TPST1: variants seen among roughly 807,000 people sequenced by gnomAD.
The protein encoded by TPST1 is tyrosylprotein sulfotransferase 1, also known as protein-tyrosine sulfotransferase 1.
A neutral mutation model predicts 34.8 loss-of-function variants in TPST1; 20 were observed. That is an observed-to-expected ratio of 0.57 (90% CI 0.40 to 0.84). TPST1 has a LOEUF of 0.84. Ranked by LOEUF, TPST1 falls within the 40% of genes least tolerant of loss-of-function variation. TPST1 has a pLI of 0.00. For missense variants in TPST1, 353 were observed against 455.5 expected, an observed-to-expected ratio of 0.78 and a Z score of 2.05; for synonymous variants, 152 against 159.4, an observed-to-expected ratio of 0.95 and a Z score of 0.35.
chr7:66,231,988 A>G (rs1789807257), intron 1 of TPST1, among the ~76,000 whole-genome samples: 1 of 152,202 alleles, frequency 6.6e-6, no homozygotes, highest in Non-Finnish European at 1.5e-5. Context: ...TTATGGCTGA[A>G]TAATACTGTA....
chr7:66,227,507 C>T (rs1789684620), intron 1 of TPST1, among the ~76,000 whole-genome samples: 2 of 152,064 alleles, frequency 1.3e-5, no homozygotes, highest in South Asian at 4.2e-4. Context: ...ACTGCAGCGT[C>T]GACCTCCTGG....
upstream of TPST1, among the ~76,000 whole-genome samples, chr7:66,203,250 T>C (rs549322386): frequency 5.3e-5 from 8 of 151,976 alleles, no homozygotes; most frequent in African/African-American, 1.9e-4. Flanking sequence ...ATTTTTTTTT[T>C]TGGGTGAGAG....
intron 1 of TPST1, among the ~76,000 whole-genome samples, chr7:66,216,923 T>C (rs755605272): frequency 6.6e-5 from 10 of 152,248 alleles, no homozygotes; most frequent in Non-Finnish European, 1.5e-4. Flanking sequence ...TTTTGTAATA[T>C]TCCTAATGTT....
At chr7:66,306,725 G>C (rs1354467519) in intron 3 of TPST1, among the ~76,000 whole-genome samples, 1 of 152,056 alleles carries the variant, frequency 6.6e-6, no homozygotes, top group Non-Finnish European at 1.5e-5. Context: ...GTTTTGCTGT[G>C]TTTTGAGATG....
At chr7:66,273,007 A>G (rs1403025735) in intron 2 of TPST1, among the ~76,000 whole-genome samples, 1 of 152,208 alleles carries the variant, frequency 6.6e-6, no homozygotes, top group Admixed American at 6.5e-5. Flanking sequence ...CTGTTTGCTG[A>G]TGACATGATC....
At chr7:66,278,208 A>G (rs1790858995) in intron 2 of TPST1, among the ~76,000 whole-genome samples, 2 of 150,276 alleles carry the variant, frequency 1.3e-5, no homozygotes, top group South Asian at 2.1e-4. Flanking sequence ...CCAGATTTGC[A>G]TATATTTTGA....
At chr7:66,231,853 G>A (rs533952525) in intron 1 of TPST1, among the ~76,000 whole-genome samples, 14 of 152,260 alleles carry the variant, frequency 9.2e-5, no homozygotes, top group Non-Finnish European at 4.4e-5. Flanking sequence ...CAGAGGAGGC[G>A]CCCAGAGCGA....
chr7:66,233,246 A>G (rs1789837063), intron 1 of TPST1, among the ~76,000 whole-genome samples: 1 of 151,780 alleles, frequency 6.6e-6, no homozygotes, highest in African/African-American at 2.4e-5. Context: ...TGATGTTTGT[A>G]CTTTTGGTGT....
At chr7:66,227,037 T>TTTTTTTTTG (rs1789672257) in intron 1 of TPST1, among the ~76,000 whole-genome samples, 1 of 125,176 alleles carries the variant, frequency 8.0e-6, no homozygotes, top group African/African-American at 3.2e-5. Flanking sequence ...GCTTTTTTTT[T>TTTTTTTTTG]TTTTTTTTTT....
At chr7:66,229,265 C>T (rs1789728145) in intron 1 of TPST1, among the ~76,000 whole-genome samples, 1 of 152,144 alleles carries the variant, frequency 6.6e-6, no homozygotes, top group Non-Finnish European at 1.5e-5. Context: ...CACCCGCCAC[C>T]ACGCCCAGCT....
chr7:66,214,305 A>C (rs984317764), intron 1 of TPST1, among the ~76,000 whole-genome samples: 4 of 151,704 alleles, frequency 2.6e-5, no homozygotes, highest in Non-Finnish European at 5.9e-5. Context: ...CATATATAAT[A>C]TTGTCCTCCT....
At chr7:66,272,283 G>A (rs1205543216) in intron 2 of TPST1, among the ~76,000 whole-genome samples, 1 of 152,000 alleles carries the variant, frequency 6.6e-6, no homozygotes, top group Non-Finnish European at 1.5e-5. Flanking sequence ...AATCAAATGG[G>A]ACTTATATTT....
chr7:66,337,301 T>A (rs1287918677), intron 3 of TPST1, among the ~76,000 whole-genome samples: 1 of 101,806 alleles, frequency 9.8e-6, no homozygotes, highest in Non-Finnish European at 1.8e-5. Context: ...AAAGACAAAT[T>A]TTTTTTTTTT....
intron 3 of TPST1, among the ~76,000 whole-genome samples, chr7:66,337,461 A>G (rs751936421): frequency 2.0e-5 from 3 of 152,022 alleles, no homozygotes; most frequent in Admixed American, 6.6e-5. Context: ...GATATGTGCC[A>G]ACACACCTGG....
At chr7:66,213,390 T>A (rs1288677520) in intron 1 of TPST1, among the ~76,000 whole-genome samples, 1 of 152,188 alleles carries the variant, frequency 6.6e-6, no homozygotes, top group Non-Finnish European at 1.5e-5. Context: ...TTTTATTGGG[T>A]TTTTTGTCTA....
At chr7:66,248,501 G>GTT (rs1366517456) in intron 2 of TPST1, among the ~76,000 whole-genome samples, 1 of 103,062 alleles carries the variant, frequency 9.7e-6, no homozygotes, top group African/African-American at 3.7e-5. Flanking sequence ...AAAACATTTA[G>GTT]TGTTTTTTTT....
chr7:66,208,021 T>C (rs986971889), intron 1 of TPST1, among the ~76,000 whole-genome samples: 9 of 152,058 alleles, frequency 5.9e-5, no homozygotes, highest in Non-Finnish European at 8.8e-5. Context: ...CAGACCTTGG[T>C]TATGCTTTTT....
At chr7:66,350,024 C>CT (rs927820494) in intron 3 of TPST1, among the ~76,000 whole-genome samples, 3 of 151,864 alleles carry the variant, frequency 2.0e-5, no homozygotes, top group Admixed American at 1.3e-4. Context: ...ACAAATGATT[C>CT]TTTTTTTCGA....
chr7:66,335,695 G>T (rs1792082472), intron 3 of TPST1, among the ~76,000 whole-genome samples: 1 of 152,108 alleles, frequency 6.6e-6, no homozygotes, highest in Admixed American at 6.5e-5. Context: ...GAATGGCAGG[G>T]CAAGTTAGTT....
Sources: gnomAD v4.1 joint callset for allele counts (sites outside exome capture counted in the v4.1 genomes callset) on GRCh38, gnomAD v4.1.1 for gene constraint, MANE v1.5 for transcripts, NCBI Gene and HGNC (gene_info 2026-07-23, HGNC 2026-07-21) for gene names.